Variants in ACBD5 observed in about 807,000 individuals in gnomAD.
The protein encoded by ACBD5 is acyl-CoA-binding domain-containing protein 5.
Under a neutral mutation model 71.8 loss-of-function variants are expected in ACBD5, and 40 were observed. The observed-to-expected ratio is 0.56, with a 90% CI of 0.43 to 0.72. The LOEUF is 0.72. Among genes scored for constraint, ACBD5 ranks in the 30% least tolerant of loss-of-function variants. The pLI is 0.00. For missense variants in ACBD5, 559 were observed against 644.5 expected, an observed-to-expected ratio of 0.87 and a Z score of 1.44; for synonymous variants, 229 against 218.6, an observed-to-expected ratio of 1.05 and a Z score of -0.42.
chr10:27,227,165 AT>A (rs2063186673), intron 4 of ACBD5, among the ~76,000 whole-genome samples: 1 of 151,886 alleles, frequency 6.6e-6, no homozygotes, highest in Non-Finnish European at 1.5e-5. Flanking sequence ...AGCTAATTTA[AT>A]ATATTATAAC....
intron 8 of ACBD5, among the ~76,000 whole-genome samples, chr10:27,211,467 C>T (rs1166420982): frequency 5.3e-5 from 8 of 152,028 alleles, no homozygotes; most frequent in South Asian, 4.2e-4. Flanking sequence ...ATTACAGGCA[C>T]GCACCGCCAT....
upstream of ACBD5, chr10:27,242,047 G>A (rs1333338593): frequency 4.4e-6 from 2 of 453,574 alleles, no homozygotes; most frequent in Non-Finnish European, 8.8e-6. Context: ...GAGCCGCGGC[G>A]CCGGCATTTA....
chr10:27,193,452 A>G (rs1482071271), downstream of ACBD5: 1 of 152,026 alleles, frequency 6.6e-6, no homozygotes, highest in African/African-American at 2.4e-5. Context: ...AAAAGAACTG[A>G]TAAGAACTGA....
At chr10:27,208,089 G>A (rs957832140) in intron 10 of ACBD5, among the ~76,000 whole-genome samples, 157 bp downstream of exon 10, 7 of 151,770 alleles carry the variant, frequency 4.6e-5, no homozygotes, top group Admixed American at 4.6e-4. Flanking sequence ...TTAGTTTCTG[G>A]GTCAGTCTTT....
downstream of ACBD5, chr10:27,193,441 A>G (rs1306395019): frequency 1.3e-5 from 2 of 152,122 alleles, no homozygotes; most frequent in Non-Finnish European, 2.9e-5. Flanking sequence ...AGAGAAAAAA[A>G]AAAAGAACTG....
downstream of ACBD5, among the ~76,000 whole-genome samples, chr10:27,194,633 T>G (rs1474090124): frequency 0.011 from 1,572 of 145,010 alleles, 35 homozygotes; most frequent in African/African-American, 0.035. Flanking sequence ...ATAATAATAA[T>G]AATAATAATA....
rs1286705051 is a variant in ACBD5 at position 27,219,987 on chromosome 10, A to G, written c.491-130T>C. 9.3e-6 allele frequency: 6 copies of G among 646,556 alleles called. No individual in the cohort carries two copies. In the East Asian group the frequency reaches 1.4e-4, roughly 15 times the overall value. The allele number at this position is 646,556 out of a possible 1,614,324, so 40.1% of individuals were successfully genotyped here. A position where few individuals can be genotyped will look rare whatever the true frequency, so the allele number is the denominator to read the frequency against. On this transcript the variant is annotated intron_variant, in intron 5 of 12. Transcript: ENST00000396271. ...TGAATTAAAATGTTATATATATAAT[A>G]GTATTATTTTCTTTGACTATAAACA...
At position 27,240,356 on chromosome 10, in the gene ACBD5, C is replaced by T. The variant is rs1166537676; in HGVS notation, c.144G>A (p.Glu48=). 1.4e-5 allele frequency: 22 copies of T among 1,613,970 alleles called. No individual in the cohort carries two copies. The highest frequency in any genetic ancestry group is 1.3e-4 in the Admixed American group (8 of 59,992). ...DTRSVHETRF[E]AAVKVIQSLP... ...AACTCTGGATCACCTTCACGGCCGC[C>T]TCAAACCTAGTCTCGTGCACGGATC... The change falls in exon 2 of 13, where the codon GAG becomes GAA. Residue 48 remains glutamate (E), a synonymous_variant. Transcript: ENST00000396271. This position sits in a 1 kb window ranked among gnomAD's most constrained non-coding sequence, Gnocchi z 4.1.
chr10:27,187,987 C>T (rs936424407), intron 13 of ACBD5, among the ~76,000 whole-genome samples: 3 of 152,074 alleles, frequency 2.0e-5, no homozygotes, highest in Non-Finnish European at 2.9e-5. Flanking sequence ...TTCAACAAAG[C>T]GAGACCCCAT....
At chr10:27,237,621 CTTTT>C (rs60724833) in intron 2 of ACBD5, among the ~76,000 whole-genome samples, 4 of 133,662 alleles carry the variant, frequency 3.0e-5, no homozygotes, top group African/African-American at 1.1e-4. Flanking sequence ...GATAGGATAT[CTTTT>C]TTTTTTTTTT....
chr10:27,237,002 A>G (rs921325711), intron 2 of ACBD5, among the ~76,000 whole-genome samples: 20 of 152,188 alleles, frequency 1.3e-4, no homozygotes, highest in Non-Finnish European at 2.8e-4. Context: ...TATAATAATT[A>G]TCTGTATAAT....
intron 2 of ACBD5, among the ~76,000 whole-genome samples, chr10:27,237,774 C>T (rs1200719003): frequency 6.6e-6 from 1 of 151,664 alleles, no homozygotes; most frequent in East Asian, 1.9e-4. Context: ...GAACTCGCCA[C>T]TACACTCAGC....
Position 27,240,784 on chromosome 10 carries a change from G to T in ACBD5, c.-96C>A, listed in dbSNP as rs1193317664. The stretch of plus-strand genomic sequence containing the variant: ...GCGGAGCAGCCACACCCCCCATTCC[G>T]CCGGAGTCCGTCTGTCAGTCCGTGC... On this transcript the variant is annotated 5_prime_UTR_variant, in exon 1 of 13. Transcript: ENST00000396271. This position sits in a 1 kb window ranked among gnomAD's most constrained non-coding sequence, Gnocchi z 4.1. The T allele has an allele frequency of 1.0e-5, 16 of 1,526,942 alleles. No individual in the cohort carries two copies. In the East Asian group the frequency reaches 3.7e-4, roughly 35 times the overall value. 94.6% of individuals were successfully genotyped at this position (1,526,942 alleles called of 1,614,324 possible). A position where few individuals can be genotyped will look rare whatever the true frequency, so the allele number is the denominator to read the frequency against.
At chr10:27,237,052 T>C (rs910948590) in intron 2 of ACBD5, among the ~76,000 whole-genome samples, 2 of 152,246 alleles carry the variant, frequency 1.3e-5, no homozygotes, top group East Asian at 3.9e-4. Flanking sequence ...AGTGTTCTAA[T>C]GATACAATCC....
At position 27,240,488 on chromosome 10, in the gene ACBD5, G is replaced by T; in HGVS notation, c.16-4C>A. On this transcript the variant is annotated splice_polypyrimidine_tract_variant and splice_region_variant and intron_variant, in intron 1 of 12. Coordinates refer to ENST00000396271, the MANE Select transcript of ACBD5 (RefSeq NM_145698.5). The surrounding 1 kb of genome is among the most constrained non-coding windows in gnomAD (Gnocchi z 4.1). ...TTTCCCAAGAGCCTGCATGAAACTG[G>T]AACATGGAGCGCAGCCGCGGATCAA... 5.6e-6 allele frequency: 9 copies of T among 1,605,044 alleles called. No homozygotes were observed. Among genetic ancestry groups the T allele is most frequent in the Non-Finnish European group, 7.7e-6 (9 of 1,175,254 alleles).
downstream of ACBD5, among the ~76,000 whole-genome samples, chr10:27,192,887 T>G (rs1176192974): frequency 1.3e-5 from 2 of 151,544 alleles, no homozygotes; most frequent in African/African-American, 2.4e-5. Context: ...GAGAATTGCT[T>G]GAACCCAGGA....
At chr10:27,213,989 A>G (rs1255734420) in intron 8 of ACBD5, among the ~76,000 whole-genome samples, 2 of 152,250 alleles carry the variant, frequency 1.3e-5, no homozygotes, top group Non-Finnish European at 2.9e-5. Context: ...ATTCTACCAT[A>G]AAAAAGAATG....
At chr10:27,211,403 C>T (rs1226640445) in intron 8 of ACBD5, among the ~76,000 whole-genome samples, 2 of 152,140 alleles carry the variant, frequency 1.3e-5, no homozygotes, top group African/African-American at 4.8e-5. Context: ...TCACTGCAAC[C>T]TCCACCTCCC....
intron 4 of ACBD5, among the ~76,000 whole-genome samples, chr10:27,228,967 T>C (rs1344906860): frequency 2.0e-5 from 3 of 150,186 alleles, no homozygotes; most frequent in South Asian, 2.1e-4. Context: ...TACAGGCGTA[T>C]GCCACTACGC....
Sources: allele counts gnomAD v4.1 joint callset (sites outside exome capture counted in the v4.1 genomes callset), GRCh38; gene constraint gnomAD v4.1.1; non-coding constraint Gnocchi (gnomAD v3.1); transcripts MANE v1.5; gene names NCBI Gene and HGNC (gene_info 2026-07-23, HGNC 2026-07-21).